Variants in FAM133A observed in about 807,000 individuals in gnomAD.
FAM133A encodes the protein family with sequence similarity 133 member A.
For missense variants in FAM133A, 159 were observed against 164.4 expected, an observed-to-expected ratio of 0.97 and a Z score of 0.18; for synonymous variants, 65 against 58.6, an observed-to-expected ratio of 1.11 and a Z score of -0.50.
intron 3 of FAM133A, among the ~76,000 whole-genome samples, chrX:93,709,046 C>T (rs1927236296): frequency 1.8e-5 from 2 of 111,521 alleles, no homozygotes; most frequent in East Asian, 2.8e-4. Context: ...AAGTATCATA[C>T]AATGTAAGAG....
chrX:93,706,291 CTT>C (rs890947216), intron 3 of FAM133A, among the ~76,000 whole-genome samples: 1 of 111,760 alleles, frequency 8.9e-6, no homozygotes, highest in African/African-American at 3.2e-5. Flanking sequence ...TTTCTTGACT[CTT>C]TCTTTTCTGA....
chrX:93,684,011 G>T (rs1925347283), intron 2 of FAM133A, among the ~76,000 whole-genome samples: 1 of 111,751 alleles, frequency 8.9e-6, no homozygotes, highest in Non-Finnish European at 1.9e-5. Context: ...GTTTGATATA[G>T]TCCCATTTGT....
At chrX:93,688,889 C>T (rs774524665) in intron 2 of FAM133A, among the ~76,000 whole-genome samples, 10 of 109,210 alleles carry the variant, frequency 9.2e-5, no homozygotes, top group Non-Finnish European at 1.7e-4. Context: ...AATATCAGTG[C>T]TAAGGATATA....
intron 3 of FAM133A, among the ~76,000 whole-genome samples, chrX:93,704,415 T>C (rs1347559209): frequency 9.0e-6 from 1 of 111,548 alleles, no homozygotes; most frequent in Admixed American, 9.6e-5. Flanking sequence ...CAAAGAACAT[T>C]AAGGTTTTTT....
Position 93,709,950 on chromosome X carries a change from C to CA in FAM133A, c.538dup (p.Arg180LysfsTer7), listed in dbSNP as rs1273788336. Reference sequence around the variant, plus strand: ...AAGAAAAGGATGTAAGAAGCCTCAGCAAAAAAAGAAAGAAAAGTTACCCTG... The same window carrying CA: ...AAGAAAAGGATGTAAGAAGCCTCAGCAAAAAAAAGAAAGAAAAGTTACCCTG... On this transcript the variant is annotated frameshift_variant, in exon 4 of 4. Coordinates refer to ENST00000683942, the MANE Select transcript of FAM133A (RefSeq NM_001171109.2). LOFTEE classifies it high-confidence loss of function. 19 of 1,185,778 alleles carry CA rather than the reference C, an allele frequency of 1.6e-5. No homozygotes were observed. Among genetic ancestry groups the CA allele is most frequent in the Non-Finnish European group, 2.0e-5 (18 of 886,921 alleles).
chrX:93,678,015 C>T lies in FAM133A; in HGVS notation c.-193+3263C>T, dbSNP rs761799956. 1.7e-4 allele frequency among the ~76,000 whole-genome samples: 19 copies of T among 111,926 alleles called. No homozygotes were observed. In the South Asian group the frequency reaches 7.0e-3, roughly 41 times the overall value. On this transcript the variant is annotated intron_variant, in intron 2 of 3. Transcript: ENST00000683942. ...CCAAAGTGGTTGTTTTGCATTTCCA[C>T]CAATAGTGCTCACATTTGATATGGG...
At chrX:93,708,115 T>C (rs927114523) in intron 3 of FAM133A, among the ~76,000 whole-genome samples, 1 of 112,433 alleles carries the variant, frequency 8.9e-6, no homozygotes, top group African/African-American at 3.2e-5. Context: ...AAACTGTTTG[T>C]GTCCCATAAA....
chrX:93,705,916 T>A (rs943534004), intron 3 of FAM133A, among the ~76,000 whole-genome samples: 4 of 111,962 alleles, frequency 3.6e-5, no homozygotes, highest in African/African-American at 1.3e-4. Flanking sequence ...TAACTCTGCA[T>A]CTTTCATGGT....
chrX:93,699,650 C>T (rs1158494665), intron 3 of FAM133A, among the ~76,000 whole-genome samples: 1 of 110,993 alleles, frequency 9.0e-6, no homozygotes, highest in Non-Finnish European at 1.9e-5. Flanking sequence ...CCTATATACC[C>T]GCAATCTAGA....
At position 93,710,118 on chromosome X, in the gene FAM133A, TAGTA is replaced by T. The variant is rs745706648; in HGVS notation, c.702_705del (p.Ser234ArgfsTer38). 7 of 1,185,554 alleles carry T rather than the reference TAGTA, an allele frequency of 5.9e-6. No individual in the cohort carries two copies. The highest frequency in any genetic ancestry group is 3.0e-5 in the East Asian group (1 of 33,438). On this transcript the variant is annotated frameshift_variant, in exon 4 of 4. Coordinates refer to ENST00000683942, the MANE Select transcript of FAM133A (RefSeq NM_001171109.2). LOFTEE classifies it high-confidence loss of function. Reference sequence around the variant, plus strand: ...AGAAGAAGAAACAGCACAAGAAACATAGTAAGAAGAAGAAAAAGAAGTCTGGATC... The same window carrying T: ...AGAAGAAGAAACAGCACAAGAAACATAGAAGAAGAAAAAGAAGTCTGGATC...
At chrX:93,705,871 G>C (rs1327916269) in intron 3 of FAM133A, among the ~76,000 whole-genome samples, 1 of 110,279 alleles carries the variant, frequency 9.1e-6, no homozygotes, top group East Asian at 2.8e-4. Context: ...ATATGCTCAA[G>C]TTTCTTTCAT....
chrX:93,680,236 G>A (rs1185628173), intron 2 of FAM133A, among the ~76,000 whole-genome samples: 1 of 110,438 alleles, frequency 9.1e-6, no homozygotes, highest in East Asian at 2.9e-4. Flanking sequence ...TTAGCATATT[G>A]TTCTCCAGAT....
At chrX:93,679,813 A>G (rs1454167098) in intron 2 of FAM133A, among the ~76,000 whole-genome samples, 3 of 82,256 alleles carry the variant, frequency 3.6e-5, no homozygotes, top group Admixed American at 1.7e-4. Context: ...GCAGTTTGTG[A>G]TCTCGGCTCA....
rs1387393551 is a variant in FAM133A, at chrX:93,711,869, A to G, written c.*1703A>G. The G allele has an allele frequency of 1.6e-5, 2 of 123,203 alleles. No homozygotes were observed. The highest frequency in any genetic ancestry group is 3.8e-5 in the Non-Finnish European group (2 of 53,228). 10.2% of individuals were successfully genotyped at this position (123,203 alleles called of 1,213,427 possible). On this transcript the variant is annotated 3_prime_UTR_variant, in exon 4 of 4. Transcript: ENST00000683942. ...CATTTATGGGATATTTTGTATCCATATAGAGTTTTTCAGAATTGTTCATTA... is the reference window on the plus strand; with the variant it reads ...CATTTATGGGATATTTTGTATCCATGTAGAGTTTTTCAGAATTGTTCATTA...
rs192110041 is a variant in FAM133A at position 93,689,838 on chromosome X, G to T, written c.-192-8559G>T. On this transcript the variant is annotated intron_variant, in intron 2 of 3. Coordinates refer to ENST00000683942, the MANE Select transcript of FAM133A (RefSeq NM_001171109.2). Reference sequence around the variant, plus strand: ...GGGCACATTTAAGAGATGCTTTGGAGAAAATCAGTTTTACTAGGTTTCTAA... The same window carrying T: ...GGGCACATTTAAGAGATGCTTTGGATAAAATCAGTTTTACTAGGTTTCTAA... 6.5e-4 allele frequency among the ~76,000 whole-genome samples: 72 copies of T among 111,527 alleles called. No individual in the cohort carries two copies. The Admixed American group carries it at 6.6e-3, about 10-fold the overall frequency.
chrX:93,689,083 C>T (rs917328654), intron 2 of FAM133A, among the ~76,000 whole-genome samples: 3 of 107,489 alleles, frequency 2.8e-5, no homozygotes, highest in African/African-American at 1.0e-4. Context: ...ACAAAGTCTC[C>T]GCGGCTGGAG....
intron 2 of FAM133A, among the ~76,000 whole-genome samples, chrX:93,694,988 T>G (rs948384646): frequency 9.0e-6 from 1 of 111,605 alleles, no homozygotes; most frequent in Non-Finnish European, 1.9e-5. Flanking sequence ...TCTTATGACT[T>G]TAGACAGGGA....
chrX:93,679,942 TTTTTTTTTTTTTTTTTA>T, intron 2 of FAM133A, among the ~76,000 whole-genome samples: 1 of 20,310 alleles, frequency 4.9e-5, no homozygotes, highest in African/African-American at 1.1e-4. Context: ...TTTTTTTTTT[TTTTTTTTTTTTTTTTTA>T]GTAGAGACAG....
intron 3 of FAM133A, 56 bp from the exon 4 acceptor site, chrX:93,709,261 T>G (rs902294179): frequency 2.1e-5 from 16 of 745,325 alleles, no homozygotes; most frequent in Admixed American, 1.0e-4. Context: ...GCTTATATGT[T>G]TGTTTGTCTT....
Sources: gnomAD v4.1 joint callset for allele counts (sites outside exome capture counted in the v4.1 genomes callset) on GRCh38, gnomAD v4.1.1 for gene constraint, MANE v1.5 for transcripts, NCBI Gene and HGNC (gene_info 2026-07-23, HGNC 2026-07-21) for gene names.